MINK1: variants seen among roughly 807,000 people sequenced by gnomAD.
MINK1 encodes misshapen like kinase 1, also known as misshapen-like kinase 1.
Under a neutral mutation model 178.4 loss-of-function variants are expected in MINK1, and 46 were observed. The observed-to-expected ratio is 0.26, with a 90% CI of 0.20 to 0.33. The LOEUF (loss-of-function observed/expected upper bound fraction) is 0.33. MINK1 is among the 10% of genes least tolerant of loss of function. MINK1 has a pLI of 1.00. For synonymous variants in MINK1, 797 were observed against 709.7 expected, an observed-to-expected ratio of 1.12 and a Z score of -1.96; for missense variants, 1,366 against 1,814.9, an observed-to-expected ratio of 0.75 and a Z score of 4.49.
At chr17:4,860,240 C>T (rs1024912799) in intron 1 of MINK1, among the ~76,000 whole-genome samples, 18 of 152,218 alleles carry the variant, frequency 1.2e-4, no homozygotes, top group African/African-American at 4.3e-4. Flanking sequence ...TCCTTCTGCT[C>T]ATTCAGTCGT....
intron 13 of MINK1, 91 bp downstream of exon 13, chr17:4,889,854 C>G: frequency 3.3e-6 from 3 of 897,016 alleles, no homozygotes; most frequent in Non-Finnish European, 4.9e-6. Context: ...CCTTCTCTCC[C>G]CCACCCCCAG....
intron 1 of MINK1, among the ~76,000 whole-genome samples, chr17:4,859,661 G>A (rs1432535437): frequency 6.6e-6 from 1 of 151,736 alleles, no homozygotes; most frequent in Non-Finnish European, 1.5e-5. Flanking sequence ...GGTTGCACAC[G>A]CCTGTAATCC....
At chr17:4,862,611 G>A (rs9913377) in intron 1 of MINK1, among the ~76,000 whole-genome samples, 10,633 of 150,816 alleles carry the variant, frequency 0.071, 525 homozygotes, top group East Asian at 0.26. Flanking sequence ...CCAAGATTGC[G>A]CCACTGCACT....
At chr17:4,863,978 G>A (rs1027515321) in intron 1 of MINK1, among the ~76,000 whole-genome samples, 5 of 151,774 alleles carry the variant, frequency 3.3e-5, no homozygotes, top group South Asian at 2.1e-4. Context: ...TAGTAGAGAC[G>A]GGGTTTCACC....
intron 1 of MINK1, among the ~76,000 whole-genome samples, chr17:4,840,914 T>C (rs1284868567): frequency 2.0e-5 from 3 of 151,794 alleles, no homozygotes; most frequent in Non-Finnish European, 4.4e-5. Flanking sequence ...TGAGGAGAGT[T>C]TGGTGGCACA....
Position 4,894,706 on chromosome 17 carries a change from G to A in MINK1, c.2917+73G>A. The A allele has an allele frequency of 5.9e-6, 7 of 1,178,092 alleles. No homozygotes were observed. Among genetic ancestry groups the A allele is most frequent in the Non-Finnish European group, 8.6e-6 (7 of 809,584 alleles). The allele number at this position is 1,178,092 out of a possible 1,614,324, so 73.0% of individuals were successfully genotyped here. On this transcript the variant is annotated intron_variant, in intron 24 of 31. Coordinates refer to ENST00000355280, the MANE Select transcript of MINK1 (RefSeq NM_153827.5). This position sits in a 1 kb window ranked among gnomAD's most constrained non-coding sequence, Gnocchi z 4.1. ...GCCTGGAGGGGAGCACAGTGGTCTT[G>A]AGACGCAGCCTCACAAAGCATAGCC...
At chr17:4,891,367 C>G in intron 15 of MINK1, 89 bp from the exon 16 acceptor site, 2 of 1,464,912 alleles carry the variant, frequency 1.4e-6, no homozygotes, top group East Asian at 4.8e-5. Flanking sequence ...GAAGGGGCAG[C>G]TAAAGTCCTT....
intron 1 of MINK1, among the ~76,000 whole-genome samples, chr17:4,843,645 C>T (rs138250748): frequency 6.6e-6 from 1 of 151,956 alleles, no homozygotes; most frequent in Admixed American, 6.6e-5. Context: ...GAATAAGAAC[C>T]GTAATGAACA....
Position 4,895,285 on chromosome 17 carries a change from C to T in MINK1, c.3085+43C>T, listed in dbSNP as rs781108383. On this transcript the variant is annotated intron_variant, in intron 25 of 31. Transcript: ENST00000355280. The surrounding 1 kb of genome is among the most constrained non-coding windows in gnomAD (Gnocchi z 4.3). ...CAGCTGAGGAGGCTCTGGCGTGGCT[C>T]TTGTGCTCCTGGTTAGGTGAGGGCC... The T allele has an allele frequency of 1.1e-4, 181 of 1,610,888 alleles. No homozygotes were observed. The highest frequency in any genetic ancestry group is 1.6e-4 in the Middle Eastern group (1 of 6,062).
chr17:4,891,200 G>GCGCGCGCACACACACA lies in MINK1; in HGVS notation c.1740+77_1740+78insGCGCGCACACACACAC, dbSNP rs781594150. On this transcript the variant is annotated intron_variant, in intron 15 of 31. Coordinates refer to ENST00000355280, the MANE Select transcript of MINK1 (RefSeq NM_153827.5). ...AGAGCACAGGTACACACACACGCGC[G>GCGCGCGCACACACACA]CACACACACACACACACACACACAC... 3.0e-6 allele frequency: 3 copies of GCGCGCGCACACACACA among 1,004,130 alleles called. No individual in the cohort carries two copies. In the African/African-American group the frequency reaches 5.2e-5, roughly 17 times the overall value. 62.2% of individuals were successfully genotyped at this position (1,004,130 alleles called of 1,614,324 possible).
At chr17:4,893,393 GC>G (rs1567620528) in intron 20 of MINK1, 40 bp from the exon 21 acceptor site, 1 of 1,601,902 alleles carries the variant, frequency 6.2e-7, no homozygotes, top group African/African-American at 1.3e-5. Flanking sequence ...CTCCACCCAG[GC>G]CCAGCTTCTC....
chr17:4,893,607 C>T lies in MINK1; in HGVS notation c.2564+10C>T, dbSNP rs369154873. 637 of 1,520,990 alleles carry T rather than the reference C, an allele frequency of 4.2e-4. 11 individuals carry two copies. The South Asian group carries it at 7.7e-3, about 18-fold the overall frequency. 94.2% of individuals were successfully genotyped at this position (1,520,990 alleles called of 1,614,324 possible). ...ATACCCCTGGGGGCCGGTACGGCAT[C>T]GGGAGTGGGGCCCTCCCACTCCAAG... On this transcript the variant is annotated intron_variant, in intron 21 of 31. Coordinates refer to ENST00000355280, the MANE Select transcript of MINK1 (RefSeq NM_153827.5).
rs757809583 is a variant in MINK1, at chr17:4,891,438, C to T, written c.1741-18C>T. ...GCCATGGAGCAGGCAGCCCACCCTC[C>T]CTGGTCTCTCCCTGCAGAGCCTGGT... On this transcript the variant is annotated intron_variant, in intron 15 of 31. Transcript: ENST00000355280. 8 of 1,544,414 alleles carry T rather than the reference C, an allele frequency of 5.2e-6. No individual in the cohort carries two copies. The South Asian group carries it at 7.4e-5, about 14-fold the overall frequency.
Position 4,894,707 on chromosome 17 carries a change from A to G in MINK1, c.2917+74A>G, listed in dbSNP as rs1414537645. On this transcript the variant is annotated intron_variant, in intron 24 of 31. Transcript: ENST00000355280. The surrounding 1 kb of genome is among the most constrained non-coding windows in gnomAD (Gnocchi z 4.1). The stretch of plus-strand genomic sequence containing the variant: ...CCTGGAGGGGAGCACAGTGGTCTTG[A>G]GACGCAGCCTCACAAAGCATAGCCA... 8.6e-7 allele frequency: 1 copy of G among 1,163,844 alleles called. No homozygotes were observed. Among genetic ancestry groups the G allele is most frequent in the East Asian group, 2.5e-5 (1 of 39,460 alleles). 72.1% of individuals were successfully genotyped at this position (1,163,844 alleles called of 1,614,324 possible).
In MINK1 at chr17:4,896,536, G is replaced by C. The variant is rs1292782296; in HGVS notation, c.3723G>C (p.Gly1241=). The change falls in exon 30 of 32, where the codon GGG becomes GGC. Residue 1241 remains glycine (G), a synonymous_variant. Transcript: ENST00000355280. This position sits in a 1 kb window ranked among gnomAD's most constrained non-coding sequence, Gnocchi z 4.6. Reference sequence around the variant, plus strand: ...AGGGTGTCTACGTCAACACGTACGGGCGCATCATTAAGGATGTGGTGCTGC... The same window carrying C: ...AGGGTGTCTACGTCAACACGTACGGCCGCATCATTAAGGATGTGGTGCTGC... ...EDEGVYVNTY[G]RIIKDVVLQW... 3 of 1,613,852 alleles carry C rather than the reference G, an allele frequency of 1.9e-6. No individual in the cohort carries two copies. The highest frequency in any genetic ancestry group is 2.2e-5 in the East Asian group (1 of 44,894).
In MINK1 at chr17:4,881,047, A is replaced by C. The variant is rs768041179; in HGVS notation, c.180+7A>C. On this transcript the variant is annotated splice_region_variant and intron_variant, in intron 3 of 31. Coordinates refer to ENST00000355280, the MANE Select transcript of MINK1 (RefSeq NM_153827.5). Reference sequence around the variant, plus strand: ...GGTCATGGATGTCACGGAGGTAGGGAGTGGAGCTGGGCAGTGGGAGGGTCG... The same window carrying C: ...GGTCATGGATGTCACGGAGGTAGGGCGTGGAGCTGGGCAGTGGGAGGGTCG... 1 of 1,533,212 alleles carries C rather than the reference A, an allele frequency of 6.5e-7. No homozygotes were observed. 95.0% of individuals were successfully genotyped at this position (1,533,212 alleles called of 1,614,324 possible). A position where few individuals can be genotyped will look rare whatever the true frequency, so the allele number is the denominator to read the frequency against.
chr17:4,868,671 A>G (rs1417794398), intron 1 of MINK1, among the ~76,000 whole-genome samples: 2 of 152,208 alleles, frequency 1.3e-5, no homozygotes, highest in East Asian at 1.9e-4. Context: ...GGTTAACGCT[A>G]TATCTTGGCT....
intron 5 of MINK1, 75 bp from the exon 6 acceptor site, chr17:4,884,837 C>T: frequency 7.5e-7 from 1 of 1,327,218 alleles, no homozygotes; most frequent in Non-Finnish European, 1.1e-6. Context: ...TCCTTGTCCC[C>T]TCAACTCACT....
intron 1 of MINK1, among the ~76,000 whole-genome samples, chr17:4,868,371 A>G (rs1204347486): frequency 6.6e-6 from 1 of 152,114 alleles, no homozygotes; most frequent in Non-Finnish European, 1.5e-5. Context: ...TGTTTCTTCT[A>G]TCCACCTGTA....
Sources: gnomAD v4.1 joint callset for allele counts (sites outside exome capture counted in the v4.1 genomes callset) on GRCh38, gnomAD v4.1.1 for gene constraint, Gnocchi (gnomAD v3.1) non-coding constraint, MANE v1.5 for transcripts, NCBI Gene and HGNC (gene_info 2026-07-23, HGNC 2026-07-21) for gene names.